Variants in RHOBTB1 observed in about 807,000 individuals in gnomAD.
RHOBTB1 encodes the protein Rho related BTB domain containing 1, also known as rho-related BTB domain-containing protein 1.
A neutral mutation model predicts 71.6 loss-of-function variants in RHOBTB1; 40 were observed. The observed-to-expected ratio is 0.56, with a 90% CI of 0.43 to 0.73. The LOEUF is 0.73. Ranked by LOEUF, RHOBTB1 falls within the 30% of genes least tolerant of loss-of-function variation. The pLI, the probability that RHOBTB1 is intolerant of heterozygous loss-of-function variation, is 0.00. For missense variants in RHOBTB1, 797 were observed against 894.0 expected (o/e 0.89, Z 1.38); for synonymous variants, 319 against 334.9 (o/e 0.95, Z 0.52).
chr10:60,960,170 G>A (rs1322798924), intron 2 of RHOBTB1, among the ~76,000 whole-genome samples: 1 of 152,040 alleles, frequency 6.6e-6, no homozygotes, highest in Non-Finnish European at 1.5e-5. Flanking sequence ...ATTTAATCTT[G>A]GTAATGTACC....
At chr10:60,932,871 C>T (rs1011318626) in intron 2 of RHOBTB1, among the ~76,000 whole-genome samples, 1 of 152,292 alleles carries the variant, frequency 6.6e-6, no homozygotes, top group South Asian at 2.1e-4. Context: ...GTCTCCACTA[C>T]CTTCTGTAGT....
Position 60,903,031 on chromosome 10 carries a change from C to A in RHOBTB1, c.296+7856G>T, listed in dbSNP as rs368573726. Among the ~76,000 whole-genome samples, 19 of 152,246 alleles carry A rather than the reference C, an allele frequency of 1.2e-4. 1 individual carries two copies. In the South Asian group the frequency reaches 3.9e-3, roughly 32 times the overall value. ...CAATTTTCCCGCAATACAGTTATTG[C>A]TACGATAGGGATTTGCAAAGCTGTC... On this transcript the variant is annotated intron_variant, in intron 4 of 10. Transcript: ENST00000337910.
intron 2 of RHOBTB1, among the ~76,000 whole-genome samples, chr10:60,913,795 C>A (rs899785353): frequency 2.0e-5 from 3 of 152,202 alleles, no homozygotes; most frequent in Non-Finnish European, 2.9e-5. Context: ...CTAGCTCCCC[C>A]ATTTTCCAGT....
Position 60,871,472 on chromosome 10 carries a change from C to T in RHOBTB1, c.*10G>A, listed in dbSNP as rs767915487. 6.1e-5 allele frequency: 97 copies of T among 1,595,308 alleles called. No individual in the cohort carries two copies. Among genetic ancestry groups the T allele is most frequent in the Admixed American group, 6.0e-4 (33 of 55,216 alleles). On this transcript the variant is annotated 3_prime_UTR_variant, in exon 11 of 11. Transcript: ENST00000337910. The stretch of plus-strand genomic sequence containing the variant: ...TTGGTTTCTGTTTTTTGTTTTTTTT[C>T]TCTTCCTCTTCAGGCCACTGCTGGA...
intron 2 of RHOBTB1, among the ~76,000 whole-genome samples, chr10:60,985,381 A>ATCTTATTAT (rs2086628729): frequency 6.6e-6 from 1 of 152,214 alleles, no homozygotes; most frequent in East Asian, 1.9e-4. Flanking sequence ...AATTAAAGAC[A>ATCTTATTAT]TTCAGTGCCC....
At chr10:60,933,468 T>C (rs1054228444) in intron 2 of RHOBTB1, among the ~76,000 whole-genome samples, 5 of 152,250 alleles carry the variant, frequency 3.3e-5, no homozygotes, top group Admixed American at 2.0e-4. Context: ...ACGCCTGTAA[T>C]CCCAGCACTT....
intron 1 of RHOBTB1, among the ~76,000 whole-genome samples, chr10:60,993,838 A>G (rs2086951521): frequency 6.6e-6 from 1 of 152,058 alleles, no homozygotes; most frequent in Non-Finnish European, 1.5e-5. Flanking sequence ...ATTACTGTAA[A>G]AATATGAGCA....
chr10:60,987,262 C>G (rs1256859803), intron 1 of RHOBTB1, among the ~76,000 whole-genome samples: 1 of 152,188 alleles, frequency 6.6e-6, no homozygotes, highest in Non-Finnish European at 1.5e-5. Flanking sequence ...CTTCTGCCTT[C>G]CCTTAAACGT....
intron 2 of RHOBTB1, among the ~76,000 whole-genome samples, chr10:60,913,870 A>G (rs771030240): frequency 3.9e-5 from 6 of 152,158 alleles, no homozygotes; most frequent in Non-Finnish European, 8.8e-5. Flanking sequence ...TTAAGTGGGT[A>G]TCATAAAAAT....
At chr10:60,902,025 C>T (rs2082436451) in intron 4 of RHOBTB1, among the ~76,000 whole-genome samples, 1 of 152,214 alleles carries the variant, frequency 6.6e-6, no homozygotes, top group Non-Finnish European at 1.5e-5. Context: ...GTTGCTATCT[C>T]ATTTGGCACT....
At chr10:60,951,488 TC>T (rs2085406008) in intron 2 of RHOBTB1, among the ~76,000 whole-genome samples, 1 of 152,150 alleles carries the variant, frequency 6.6e-6, no homozygotes, top group African/African-American at 2.4e-5. Context: ...TTTGGTAAAC[TC>T]CCCCTTTATG....
intron 1 of RHOBTB1, among the ~76,000 whole-genome samples, chr10:60,943,025 C>T (rs527984215): frequency 6.6e-6 from 1 of 152,300 alleles, no homozygotes; most frequent in Admixed American, 6.5e-5. Context: ...GTCAGGGCGA[C>T]TCTTCTGGTC....
intron 4 of RHOBTB1, among the ~76,000 whole-genome samples, chr10:60,908,540 T>C (rs1055066406): frequency 3.3e-5 from 5 of 152,174 alleles, no homozygotes; most frequent in Admixed American, 3.3e-4. Flanking sequence ...ATTCCTCTCC[T>C]TCACAAATGA....
At position 60,911,005 on chromosome 10, in the gene RHOBTB1, G is replaced by C. The variant is rs765858818; in HGVS notation, c.193-15C>G. On this transcript the variant is annotated splice_polypyrimidine_tract_variant and intron_variant, in intron 3 of 10. Transcript: ENST00000337910. ...CGCTCCAAGACCTGCAGGAGAGAGA[G>C]AGAGCATCTGTGCTCGGTGTCAGTC... 2 of 1,605,530 alleles carry C rather than the reference G, an allele frequency of 1.2e-6. No individual in the cohort carries two copies. The highest frequency in any genetic ancestry group is 2.7e-5 in the African/African-American group (2 of 74,792).
intron 7 of RHOBTB1, 79 bp from the exon 8 acceptor site, chr10:60,878,137 A>G (rs1303844693): frequency 2.6e-6 from 3 of 1,156,702 alleles, no homozygotes; most frequent in South Asian, 2.8e-5. Flanking sequence ...CTGCTTATAA[A>G]TATCCTGTGT....
At position 60,888,687 on chromosome 10, in the gene RHOBTB1, G is replaced by A. The variant is rs138917834; in HGVS notation, c.981C>T (p.Val327=). The A allele has an allele frequency of 2.4e-5, 39 of 1,614,158 alleles. No homozygotes were observed. The highest frequency in any genetic ancestry group is 1.7e-4 in the Admixed American group (10 of 60,012). ...SRDFQGRILS[V]DPEEEREEGP... Reference sequence around the variant, plus strand: ...CCTCCTCCCTTTCTTCCTCTGGGTCGACACTCAATATCCGCCCCTGGAAAT... The same window carrying A: ...CCTCCTCCCTTTCTTCCTCTGGGTCAACACTCAATATCCGCCCCTGGAAAT... The change falls in exon 6 of 11, where the codon GTC becomes GTT. Residue 327 remains valine, a synonymous_variant. Coordinates refer to ENST00000337910, the MANE Select transcript of RHOBTB1 (RefSeq NM_014836.5).
intron 1 of RHOBTB1, among the ~76,000 whole-genome samples, chr10:60,994,142 T>C (rs576710461): frequency 3.3e-5 from 5 of 152,298 alleles, no homozygotes; most frequent in African/African-American, 1.2e-4. Flanking sequence ...ATTCAACGAA[T>C]TGACAAAATA....
At chr10:60,979,119 A>G (rs1392396849) in intron 2 of RHOBTB1, among the ~76,000 whole-genome samples, 4 of 152,148 alleles carry the variant, frequency 2.6e-5, no homozygotes, top group Admixed American at 2.6e-4. Context: ...TATGCTAGGA[A>G]CATGTATGCT....
At chr10:60,927,032 T>C (rs1195756573) in intron 2 of RHOBTB1, among the ~76,000 whole-genome samples, 1 of 152,158 alleles carries the variant, frequency 6.6e-6, no homozygotes, top group Non-Finnish European at 1.5e-5. Context: ...TTTCAGGATA[T>C]GAAATCAGTA....
Sources: gnomAD v4.1 joint callset for allele counts (sites outside exome capture counted in the v4.1 genomes callset) on GRCh38, gnomAD v4.1.1 for gene constraint, MANE v1.5 for transcripts, NCBI Gene and HGNC (gene_info 2026-07-23, HGNC 2026-07-21) for gene names.